The following NOTUM variants were observed in gnomAD, a reference collection of about 807,000 sequenced individuals.
The protein encoded by NOTUM is palmitoleoyl-protein carboxylesterase NOTUM.
NOTUM carries 36 observed loss-of-function variants against 65.5 expected under a neutral mutation model. The ratio of observed to expected loss-of-function variants is 0.55; its 90% CI spans 0.42 to 0.73. The LOEUF is 0.73. Ranked by LOEUF, NOTUM falls within the 30% of genes least tolerant of loss-of-function variation. The pLI, the probability that NOTUM is intolerant of heterozygous loss-of-function variation, is 0.00. For missense variants in NOTUM, 659 were observed against 694.2 expected, an observed-to-expected ratio of 0.95 and a Z score of 0.57; for synonymous variants, 356 against 297.9, an observed-to-expected ratio of 1.20 and a Z score of -2.01.
At chr17:81,959,593 C>T (rs911002438) in intron 2 of NOTUM, 27 bp from the exon 3 acceptor site, 44 of 1,546,830 alleles carry the variant, frequency 2.8e-5, no homozygotes, top group African/African-American at 4.1e-5. Flanking sequence ...CGCTCAGGCC[C>T]GCGCGCACAG....
At position 81,960,880 on chromosome 17, in the gene NOTUM, C is replaced by A. The variant is rs1022805795; in HGVS notation, c.30G>T (p.Leu10=). 7 of 1,391,000 alleles carry A rather than the reference C, an allele frequency of 5.0e-6. No individual in the cohort carries two copies. The highest frequency in any genetic ancestry group is 6.5e-6 in the Non-Finnish European group (7 of 1,075,500). 86.2% of individuals were successfully genotyped at this position (1,391,000 alleles called of 1,614,324 possible). The change falls in exon 1 of 11, where the codon CTG becomes CTT. Residue 10 remains leucine, a synonymous_variant. Transcript: ENST00000409678. This position sits in a 1 kb window ranked among gnomAD's most constrained non-coding sequence, Gnocchi z 6.4. MGRGVRVLL[L]LSLLHCAGGS... ...CCCCGGCGCAGTGCAGCAGGCTCAGCAGCAGCAGCACGCGCACCCCTCGGC... is the reference window on the plus strand; with the variant it reads ...CCCCGGCGCAGTGCAGCAGGCTCAGAAGCAGCAGCACGCGCACCCCTCGGC...
At chr17:81,959,312 C>G (rs78900450) in intron 3 of NOTUM, 159 bp downstream of exon 3, 45,952 of 637,856 alleles carry the variant, frequency 0.072, 2,196 homozygotes, top group South Asian at 0.17. Flanking sequence ...GAATGGGCCC[C>G]AAAAGGCAAG....
intron 6 of NOTUM, 53 bp downstream of exon 6, chr17:81,957,753 A>G (rs36023555): frequency 0.56 from 710,998 of 1,260,036 alleles, 204,770 homozygotes; most frequent in Non-Finnish European, 0.59. Flanking sequence ...CCTTCCATGC[A>G]CCCTGCACAC....
rs371859298 is a variant in NOTUM at position 81,960,634 on chromosome 17, G to A, written c.276C>T (p.His92=). 1.4e-5 allele frequency: 22 copies of A among 1,553,440 alleles called. No homozygotes were observed. Among genetic ancestry groups the A allele is most frequent in the Admixed American group, 1.1e-4 (6 of 53,284 alleles). ...AQQLNEDLRL[H]LLLNTSVTCN... ...AGGTCACCGAGGTGTTGAGTAGGAG[G>A]TGCAGGCGCAGGTCCTCGTTGAGCT... is the stretch of plus-strand genomic sequence containing the variant. Residue 92 remains histidine (H), a synonymous_variant, in exon 1 of 11, where the codon CAC becomes CAT. Transcript: ENST00000409678. This position sits in a 1 kb window ranked among gnomAD's most constrained non-coding sequence, Gnocchi z 6.4.
chr17:81,957,579 C>T (rs950603425), intron 6 of NOTUM, among the ~76,000 whole-genome samples: 6 of 152,254 alleles, frequency 3.9e-5, no homozygotes, highest in East Asian at 1.9e-4. Flanking sequence ...CCAGAAGCAT[C>T]CTCTGGACAG....
In NOTUM at chr17:81,952,972, T is replaced by A. The variant is rs771008339; in HGVS notation, c.1480A>T (p.Asn494Tyr). The A allele has an allele frequency of 1.9e-6, 3 of 1,613,812 alleles. No homozygotes were observed. In the South Asian group the frequency reaches 3.3e-5, roughly 18 times the overall value. ...TCCAGACAGTCTGCCTAGCTTCCGT[T>A]GCTCAGCATCCCCAGCAGCTCACTG... ...EPSELLGMLS[N>Y]GS is the part of the protein sequence containing the mutation. Residue 494 changes from asparagine (N) to tyrosine (Y), a missense_variant, in exon 11 of 11, where the codon AAC becomes TAC. Transcript: ENST00000409678.
chr17:81,960,959 C>T lies in NOTUM; in HGVS notation c.-50G>A, dbSNP rs2041472486. The T allele has an allele frequency of 1.0e-5, 11 of 1,094,848 alleles. No individual in the cohort carries two copies. The highest frequency in any genetic ancestry group is 3.8e-5 in the East Asian group (1 of 26,280). The allele number at this position is 1,094,848 out of a possible 1,614,324, so 67.8% of individuals were successfully genotyped here. On this transcript the variant is annotated 5_prime_UTR_variant, in exon 1 of 11. Coordinates refer to ENST00000409678, the MANE Select transcript of NOTUM (RefSeq NM_178493.6). This position sits in a 1 kb window ranked among gnomAD's most constrained non-coding sequence, Gnocchi z 6.4. ...GGCGGCCTTGAGGCGGCGGCGGCGGCGGCGGGGGATGCCGGGCCGGGGGTG... is the reference window on the plus strand; with the variant it reads ...GGCGGCCTTGAGGCGGCGGCGGCGGTGGCGGGGGATGCCGGGCCGGGGGTG...
At position 81,953,144 on chromosome 17, in the gene NOTUM, C is replaced by T. The variant is rs1211587032; in HGVS notation, c.1308G>A (p.Leu436=). ...AGTGGGGCCAGGGGCAGCTGTCCAC[C>T]AGGTGGACGGGGCAGCCCTTGAGGG... is the stretch of plus-strand genomic sequence containing the variant. ...KTPLKGCPVH[L]VDSCPWPHCN... is the part of the protein sequence containing the mutation. Residue 436 remains leucine, a synonymous_variant, in exon 11 of 11, where the codon CTG becomes CTA. Coordinates refer to ENST00000409678, the MANE Select transcript of NOTUM (RefSeq NM_178493.6). 1 of 1,613,334 alleles carries T rather than the reference C, an allele frequency of 6.2e-7. No individual in the cohort carries two copies. The highest frequency in any genetic ancestry group is 8.5e-7 in the Non-Finnish European group (1 of 1,179,578).
In NOTUM at chr17:81,959,507, G is replaced by A. The variant is rs1385607149; in HGVS notation, c.436C>T (p.Leu146Phe). 2 of 1,548,574 alleles carry A rather than the reference G, an allele frequency of 1.3e-6. No homozygotes were observed. Among genetic ancestry groups the A allele is most frequent in the South Asian group, 1.2e-5 (1 of 84,002 alleles). Residue 146 changes from leucine (L) to phenylalanine (F), a missense_variant, in exon 3 of 11, where the codon CTC becomes TTC. Coordinates refer to ENST00000409678, the MANE Select transcript of NOTUM (RefSeq NM_178493.6). ...CGCGGCCAGTCCCGGGAGCTCATGAGGCGCCGCATGGTGTCGTATCTGGAG... is the reference window on the plus strand; with the variant it reads ...CGCGGCCAGTCCCGGGAGCTCATGAAGCGCCGCATGGTGTCGTATCTGGAG... The part of the protein sequence containing the change: ...CDSRYDTMRR[L>F]MSSRDWPRTR...
chr17:81,954,306 G>T lies in NOTUM; in HGVS notation c.1137-3C>A. The T allele has an allele frequency of 6.2e-7, 1 of 1,611,484 alleles. No individual in the cohort carries two copies. Among genetic ancestry groups the T allele is most frequent in the African/African-American group, 1.3e-5 (1 of 74,966 alleles). On this transcript the variant is annotated splice_region_variant and splice_polypyrimidine_tract_variant and intron_variant, in intron 9 of 10. Transcript: ENST00000409678. Reference sequence around the variant, plus strand: ...GGCAGGCGGGGGCAAAGCTGGCCCTGTTGGAGAGGAGACAGTGGCTTGTGA... The same window carrying T: ...GGCAGGCGGGGGCAAAGCTGGCCCTTTTGGAGAGGAGACAGTGGCTTGTGA...
In NOTUM at chr17:81,958,387, G is replaced by T; in HGVS notation, c.540C>A (p.Ile180=). Residue 180 remains isoleucine (I), a synonymous_variant, in exon 5 of 11, where the codon ATC becomes ATA. Transcript: ENST00000409678. The stretch of plus-strand genomic sequence containing the variant: ...TCCAAACATCACTGGAGCAGTAGGG[G>T]ATGAAGCTGCAACACAGAACAGAGT... ...PYWWNANMVF[I]PYCSSDVWSG... The T allele has an allele frequency of 6.2e-7, 1 of 1,609,058 alleles. No individual in the cohort carries two copies. Among genetic ancestry groups the T allele is most frequent in the Non-Finnish European group, 8.5e-7 (1 of 1,177,128 alleles).
intron 4 of NOTUM, among the ~76,000 whole-genome samples, chr17:81,958,624 C>T (rs1336267230): frequency 1.3e-5 from 2 of 151,142 alleles, no homozygotes; most frequent in African/African-American, 4.9e-5. Context: ...GGACAGGACC[C>T]CCCAGGAAAG....
chr17:81,959,889 C>T, intron 1 of NOTUM, 197 bp from the exon 2 acceptor site: 1 of 201,308 alleles, frequency 5.0e-6, no homozygotes, highest in Admixed American at 5.9e-5. Context: ...GGGCGGGGAA[C>T]GGGCCGCGCG....
Position 81,953,167 on chromosome 17 carries a change from G to C in NOTUM, c.1285C>G (p.Leu429Val). 1 of 1,612,988 alleles carries C rather than the reference G, an allele frequency of 6.2e-7. No homozygotes were observed. Among genetic ancestry groups the C allele is most frequent in the African/African-American group, 1.3e-5 (1 of 75,026 alleles). ...HDSHKASKTP[L>V]KGCPVHLVDS... ...ACCAGGTGGACGGGGCAGCCCTTGAGGGGGGTCTTGCTGGCCTTGTGGCTG... is the reference window on the plus strand; with the variant it reads ...ACCAGGTGGACGGGGCAGCCCTTGACGGGGGTCTTGCTGGCCTTGTGGCTG... The change falls in exon 11 of 11, where the codon CTC becomes GTC. Residue 429 changes from leucine (L) to valine (V), a missense_variant. By Grantham distance (32) the Leu-to-Val change is conservative. Transcript: ENST00000409678.
At chr17:81,959,061 C>T in intron 3 of NOTUM, 66 bp from the exon 4 acceptor site, 1 of 1,389,326 alleles carries the variant, frequency 7.2e-7, no homozygotes, top group Non-Finnish European at 1.0e-6. Flanking sequence ...GTCTGGGAAC[C>T]CTGGTGAGGT....
In NOTUM at chr17:81,960,624, T is replaced by C; in HGVS notation, c.286A>G (p.Asn96Asp). ...CCGTCGTTGCAGGTCACCGAGGTGT[T>C]GAGTAGGAGGTGCAGGCGCAGGTCC... ...NEDLRLHLLL[N>D]TSVTCNDGSP... The change falls in exon 1 of 11, where the codon AAC becomes GAC. Residue 96 changes from asparagine (N) to aspartate (D), a missense_variant. Physicochemically the swap from Asn to Asp is conservative, Grantham distance 23. Coordinates refer to ENST00000409678, the MANE Select transcript of NOTUM (RefSeq NM_178493.6). This position sits in a 1 kb window ranked among gnomAD's most constrained non-coding sequence, Gnocchi z 6.4. 6.5e-7 allele frequency: 1 copy of C among 1,538,432 alleles called. No individual in the cohort carries two copies. Among genetic ancestry groups the C allele is most frequent in the South Asian group, 1.2e-5 (1 of 84,004 alleles).
chr17:81,959,415 C>T, intron 3 of NOTUM, 56 bp downstream of exon 3: 2 of 1,347,986 alleles, frequency 1.5e-6, no homozygotes, highest in Non-Finnish European at 2.0e-6. Context: ...AGGAGGCGGG[C>T]GCGGCTTCCT....
At position 81,952,843 on chromosome 17, in the gene NOTUM, G is replaced by T; in HGVS notation, c.*118C>A. On this transcript the variant is annotated 3_prime_UTR_variant, in exon 11 of 11. Coordinates refer to ENST00000409678, the MANE Select transcript of NOTUM (RefSeq NM_178493.6). ...GGGCAGTGGGCAGACCCAGACAGGG[G>T]GGACGGCTGGGGCCCTGTCCCGAAG... 1.1e-6 allele frequency: 1 copy of T among 889,246 alleles called. No homozygotes were observed. The allele number at this position is 889,246 out of a possible 1,614,324, so 55.1% of individuals were successfully genotyped here.
At chr17:81,954,931 ATC>A (rs35033192) in intron 9 of NOTUM, among the ~76,000 whole-genome samples, 67 of 109,994 alleles carry the variant, frequency 6.1e-4, no homozygotes, top group East Asian at 2.2e-3. Flanking sequence ...ACCGATCTCG[ATC>A]TCTCTCTCTC....
Sources: allele counts gnomAD v4.1 joint callset (sites outside exome capture counted in the v4.1 genomes callset), GRCh38; gene constraint gnomAD v4.1.1; non-coding constraint Gnocchi (gnomAD v3.1); transcripts MANE v1.5; gene names NCBI Gene and HGNC (gene_info 2026-07-23, HGNC 2026-07-21).